ESCO1: variants seen among roughly 807,000 people sequenced by gnomAD.
ESCO1 encodes establishment of sister chromatid cohesion N-acetyltransferase 1, also known as N-acetyltransferase ESCO1.
ESCO1 carries 33 observed loss-of-function variants against 83.5 expected under a neutral mutation model. The observed-to-expected ratio is 0.40, with a 90% CI of 0.30 to 0.53. The LOEUF (loss-of-function observed/expected upper bound fraction) is 0.53. ESCO1 is among the 20% of genes least tolerant of loss of function. The pLI, the probability that ESCO1 is intolerant of heterozygous loss-of-function variation, is 0.63. For synonymous variants in ESCO1, 332 were observed against 324.3 expected, an observed-to-expected ratio of 1.02 and a Z score of -0.25; for missense variants, 855 against 968.0, an observed-to-expected ratio of 0.88 and a Z score of 1.55.
Position 21,574,201 on chromosome 18 carries a change from C to T in ESCO1, c.643G>A (p.Ala215Thr). Residue 215 changes from alanine (A) to threonine (T), a missense_variant, in exon 4 of 12, where the codon GCT becomes ACT. By Grantham distance (58) the Ala-to-Thr change is moderately conservative. This residue lies in a region of ESCO1 where 726 missense variants were observed against 699.5 expected (regional missense o/e 1.04). Coordinates refer to ENST00000269214, the MANE Select transcript of ESCO1 (RefSeq NM_052911.3). ...KRKVEHQTAC[A>T]CSSQCTQGSE... is the part of the protein sequence containing the mutation. ...CCTTGCGTGCATTGAGAACTACAAG[C>T]ACAAGCTGTCTGATGTTCTACCTTG... is the stretch of plus-strand genomic sequence containing the variant. 1 of 1,613,888 alleles carries T rather than the reference C, an allele frequency of 6.2e-7. No individual in the cohort carries two copies. Among genetic ancestry groups the T allele is most frequent in the Admixed American group, 1.7e-5 (1 of 59,968 alleles).
intron 4 of ESCO1, among the ~76,000 whole-genome samples, chr18:21,572,881 T>G (rs2038359086): frequency 6.6e-6 from 1 of 151,872 alleles, no homozygotes; most frequent in Non-Finnish European, 1.5e-5. Context: ...AGAGAATGGC[T>G]TGAACCTGGG....
chr18:21,575,360 C>T lies in ESCO1; in HGVS notation c.-517G>A. 3 of 397,788 alleles carry T rather than the reference C, an allele frequency of 7.5e-6. No individual in the cohort carries two copies. The highest frequency in any genetic ancestry group is 1.3e-5 in the Non-Finnish European group (3 of 225,590). The allele number at this position is 397,788 out of a possible 1,614,324, so 24.6% of individuals were successfully genotyped here. The stretch of plus-strand genomic sequence containing the variant: ...CTTGTTTGCTGAGTCTGTTGGTTTG[C>T]AGTTCTTATCTAACCTCCTTTGTTC... On this transcript the variant is annotated 5_prime_UTR_variant, in exon 4 of 12. Transcript: ENST00000269214.
At chr18:21,575,855 A>G (rs1391368367) in intron 2 of ESCO1, 78 bp from the exon 3 acceptor site, 5 of 394,862 alleles carry the variant, frequency 1.3e-5, no homozygotes, top group South Asian at 1.4e-4. Context: ...CTCATCAAAT[A>G]TAACGCTCCA....
intron 8 of ESCO1, among the ~76,000 whole-genome samples, chr18:21,540,302 C>T (rs1180194749): frequency 6.6e-6 from 1 of 152,074 alleles, no homozygotes; most frequent in African/African-American, 2.4e-5. Context: ...TTTTGAAAGC[C>T]ACACACCAAA....
chr18:21,558,830 A>G (rs923477081), intron 8 of ESCO1, among the ~76,000 whole-genome samples: 1 of 151,834 alleles, frequency 6.6e-6, no homozygotes, highest in Non-Finnish European at 1.5e-5. Context: ...CCACTTCCTG[A>G]TACTGTCCAT....
intron 8 of ESCO1, among the ~76,000 whole-genome samples, chr18:21,544,636 A>C (rs1439023617): frequency 6.6e-6 from 1 of 152,098 alleles, no homozygotes; most frequent in Non-Finnish European, 1.5e-5. Context: ...TCTCAAAAAA[A>C]AAAAAAAGAA....
In ESCO1 at chr18:21,560,662, A is replaced by T. The variant is rs2038171989; in HGVS notation, c.1953+197T>A. On this transcript the variant is annotated intron_variant, in intron 8 of 11. Coordinates refer to ENST00000269214, the MANE Select transcript of ESCO1 (RefSeq NM_052911.3). ...AATTCAAAATCCCACAACATAAACC[A>T]GTCAGAATAAATTAGCTGGTTTTTA... Among the ~76,000 whole-genome samples, 2 of 152,192 alleles carry T rather than the reference A, an allele frequency of 1.3e-5. 1 individual carries two copies. The highest frequency in any genetic ancestry group is 4.1e-4 in the South Asian group (2 of 4,834).
intron 10 of ESCO1, among the ~76,000 whole-genome samples, chr18:21,533,700 G>C (rs2037797000): frequency 6.6e-6 from 1 of 151,890 alleles, no homozygotes; most frequent in African/African-American, 2.4e-5. Context: ...GGATCTAGGT[G>C]GAATAGAACC....
Position 21,573,686 on chromosome 18 carries a change from C to T in ESCO1, c.1158G>A (p.Lys386=), listed in dbSNP as rs147528755. Residue 386 remains lysine, a synonymous_variant, in exon 4 of 12, where the codon AAG becomes AAA. Transcript: ENST00000269214. ...CILNGINSSA[K]KNSNWTKIKL... ...TAATTTTAGTCCAGTTGGAGTTCTT[C>T]TTGGCTGAGCTGTTTATTCCATTTA... The T allele has an allele frequency of 2.0e-5, 32 of 1,613,974 alleles. No homozygotes were observed. Among genetic ancestry groups the T allele is most frequent in the Admixed American group, 5.0e-5 (3 of 59,980 alleles).
At chr18:21,576,008 T>C (rs1403550925) in intron 2 of ESCO1, among the ~76,000 whole-genome samples, 3 of 152,158 alleles carry the variant, frequency 2.0e-5, no homozygotes, top group African/African-American at 7.2e-5. Flanking sequence ...AAAAAAGTTT[T>C]AAAATATGAA....
intron 4 of ESCO1, among the ~76,000 whole-genome samples, chr18:21,569,141 T>C (rs1057276027): frequency 6.6e-6 from 1 of 152,202 alleles, no homozygotes; most frequent in African/African-American, 2.4e-5. Flanking sequence ...TTTGTCTAAA[T>C]CTCTTTCGTG....
chr18:21,573,851 T>C lies in ESCO1; in HGVS notation c.993A>G (p.Val331=), dbSNP rs1198287347. 6 of 1,613,986 alleles carry C rather than the reference T, an allele frequency of 3.7e-6. No homozygotes were observed. The African/African-American group carries it at 8.0e-5, about 22-fold the overall frequency. Residue 331 remains valine, a synonymous_variant, in exon 4 of 12, where the codon GTA becomes GTG. Transcript: ENST00000269214. ...TTATTTCTGTGGGCTTTTCTTCCTT[T>C]ACACTTTCCATTTGTGAAGATTCCT... ...VKKESSQMES[V]KEEKPTEIKL...
At chr18:21,598,410 A>T (rs1568117865) in intron 1 of ESCO1, among the ~76,000 whole-genome samples, 1 of 152,208 alleles carries the variant, frequency 6.6e-6, no homozygotes. Flanking sequence ...ACATTAAAAA[A>T]ATTACTTGGC....
At chr18:21,541,885 CTATTAAATGCCT>C (rs1277165146) in intron 8 of ESCO1, among the ~76,000 whole-genome samples, 1 of 152,102 alleles carries the variant, frequency 6.6e-6, no homozygotes, top group Non-Finnish European at 1.5e-5. Context: ...AACTATTTTC[CTATTAAATGCCT>C]TTGAAAACAG....
chr18:21,599,297 T>G (rs1568118277), intron 1 of ESCO1, among the ~76,000 whole-genome samples: 2 of 152,188 alleles, frequency 1.3e-5, no homozygotes, highest in African/African-American at 4.8e-5. Flanking sequence ...GAACAGTGAT[T>G]ACACCACTGC....
rs2038416446 is a variant in ESCO1 at position 21,576,188 on chromosome 18, CT to C, written c.-693-412del. 2.6e-5 allele frequency among the ~76,000 whole-genome samples: 4 copies of C among 151,936 alleles called. No individual in the cohort carries two copies. In the South Asian group the frequency reaches 8.3e-4, roughly 32 times the overall value. On this transcript the variant is annotated intron_variant, in intron 2 of 11. Coordinates refer to ENST00000269214, the MANE Select transcript of ESCO1 (RefSeq NM_052911.3). ...TACCTCTATTCCGATTCAAACCCTACTGGAAAAAAAAAGCAATAGAGGGACT... is the reference window on the plus strand; with the variant it reads ...TACCTCTATTCCGATTCAAACCCTACGGAAAAAAAAAGCAATAGAGGGACT...
chr18:21,561,344 A>C (rs2038183486), intron 7 of ESCO1, among the ~76,000 whole-genome samples: 2 of 152,136 alleles, frequency 1.3e-5, no homozygotes, highest in Non-Finnish European at 2.9e-5. Context: ...GTAGAGGAAA[A>C]AGTTTTTTTG....
intron 1 of ESCO1, among the ~76,000 whole-genome samples, chr18:21,594,660 C>T (rs1434351888): frequency 6.7e-6 from 1 of 150,230 alleles, no homozygotes; most frequent in East Asian, 1.9e-4. Flanking sequence ...GCTGAGATCG[C>T]ACCACTGAAC....
At chr18:21,571,377 T>C (rs2038339304) in intron 4 of ESCO1, among the ~76,000 whole-genome samples, 1 of 151,876 alleles carries the variant, frequency 6.6e-6, no homozygotes, top group African/African-American at 2.4e-5. Context: ...TTAGAAGAGA[T>C]GGGGTTTCAC....
Sources: allele counts gnomAD v4.1 joint callset (sites outside exome capture counted in the v4.1 genomes callset), GRCh38; gene constraint gnomAD v4.1.1; regional missense constraint gnomAD v4.1.1; transcripts MANE v1.5; gene names NCBI Gene and HGNC (gene_info 2026-07-23, HGNC 2026-07-21).